HEPH: variants seen among roughly 807,000 people sequenced by gnomAD.
The protein encoded by HEPH is hephaestin.
HEPH carries 69 observed loss-of-function variants against 80.8 expected under a neutral mutation model. The ratio of observed to expected loss-of-function variants is 0.85; its 90% CI spans 0.70 to 1.04. The LOEUF is 1.04. Among genes scored for constraint, HEPH ranks in the 50% least tolerant of loss-of-function variants. HEPH has a pLI of 0.00. For missense variants in HEPH, 1,115 were observed against 891.3 expected (o/e 1.25, Z -3.20); for synonymous variants, 431 against 322.8 (o/e 1.34, Z -3.60).
intron 1 of HEPH, among the ~76,000 whole-genome samples, chrX:66,169,219 A>G (rs899637150): frequency 8.9e-6 from 1 of 111,950 alleles, no homozygotes; most frequent in Non-Finnish European, 1.9e-5. Context: ...AAATGATTTA[A>G]TCTGTGTAAA....
intron 4 of HEPH, among the ~76,000 whole-genome samples, chrX:66,183,584 TTCTC>T (rs1409601944): frequency 1.0e-3 from 43 of 41,217 alleles, no homozygotes; most frequent in Admixed American, 2.1e-3. Flanking sequence ...TATTTGATTC[TTCTC>T]TCTTTTTTTC....
chrX:66,236,346 G>A (rs2148049151), intron 15 of HEPH, among the ~76,000 whole-genome samples: 1 of 111,673 alleles, frequency 9.0e-6, no homozygotes, highest in East Asian at 2.8e-4. Flanking sequence ...TTCACTGAAA[G>A]CCTTTCCTGC....
chrX:66,198,820 C>G (rs1469539257), intron 10 of HEPH, 58 bp from the exon 11 acceptor site: 1 of 942,721 alleles, frequency 1.1e-6, no homozygotes, highest in East Asian at 3.1e-5. Flanking sequence ...ACGACACAGT[C>G]TACAACTGCT....
At chrX:66,219,093 A>T (rs981497120) in intron 15 of HEPH, among the ~76,000 whole-genome samples, 3 of 112,167 alleles carry the variant, frequency 2.7e-5, no homozygotes, top group African/African-American at 6.5e-5. Context: ...TGCAAGACAG[A>T]TCGATAGTGA....
chrX:66,248,025 C>T (rs1373903308), intron 15 of HEPH, among the ~76,000 whole-genome samples: 2 of 111,265 alleles, frequency 1.8e-5, no homozygotes, highest in Non-Finnish European at 3.8e-5. Context: ...CATCTTTTCT[C>T]TCATTAAATA....
chrX:66,192,158 G>A lies in HEPH; in HGVS notation c.1092G>A (p.Lys364=). The part of the protein sequence containing the change: ...RDGMQALYKV[K]SCSMAPPVDL... ...GCATGCAGGCACTCTACAAGGTCAAGTCTTGCTCCATGGCCCCTCCTGTGG... is the reference window on the plus strand; with the variant it reads ...GCATGCAGGCACTCTACAAGGTCAAATCTTGCTCCATGGCCCCTCCTGTGG... The change falls in exon 7 of 21, where the codon AAG becomes AAA. Residue 364 remains lysine, a synonymous_variant. Coordinates refer to ENST00000343002, the MANE Select transcript of HEPH (RefSeq NM_001367233.3). 1 of 1,210,266 alleles carries A rather than the reference G, an allele frequency of 8.3e-7. No individual in the cohort carries two copies. The highest frequency in any genetic ancestry group is 1.1e-6 in the Non-Finnish European group (1 of 895,085).
At chrX:66,196,050 A>G (rs1168581943) in intron 9 of HEPH, among the ~76,000 whole-genome samples, 2 of 111,786 alleles carry the variant, frequency 1.8e-5, no homozygotes, top group Non-Finnish European at 3.8e-5. Context: ...TAGAGACATA[A>G]CAAATGAAAT....
chrX:66,198,797 C>T, intron 10 of HEPH, 81 bp from the exon 11 acceptor site: 2 of 732,669 alleles, frequency 2.7e-6, no homozygotes, highest in East Asian at 6.5e-5. Context: ...AATCTGGCAT[C>T]CCTTGATCTG....
At chrX:66,167,777 T>C (rs771864238) in intron 1 of HEPH, among the ~76,000 whole-genome samples, 1 of 112,293 alleles carries the variant, frequency 8.9e-6, no homozygotes, top group Non-Finnish European at 1.9e-5. Context: ...ATCACACTTC[T>C]GTGACTCCCT....
rs780104193 is a variant in HEPH at position 66,228,087 on chromosome X, T to A, written c.2563+19841T>A. ...GAAAGAGGTTTAATGGACTCACAGT[T>A]CCATGCAGCTGGGGAGACCTCACAA... On this transcript the variant is annotated intron_variant, in intron 15 of 20. Coordinates refer to ENST00000343002, the MANE Select transcript of HEPH (RefSeq NM_001367233.3). Among the ~76,000 whole-genome samples the A allele has an allele frequency of 2.7e-5, 3 of 111,837 alleles. No homozygotes were observed. The East Asian group carries it at 8.4e-4, about 31-fold the overall frequency.
intron 16 of HEPH, 121 bp from the exon 17 acceptor site, chrX:66,255,984 T>C (rs746577002): frequency 2.1e-6 from 1 of 465,845 alleles, no homozygotes; most frequent in East Asian, 3.7e-5. Context: ...AAATGTAAGA[T>C]ATCATGAGGA....
At chrX:66,251,552 T>C (rs1315557904) in intron 15 of HEPH, among the ~76,000 whole-genome samples, 1 of 112,381 alleles carries the variant, frequency 8.9e-6, no homozygotes, top group Non-Finnish European at 1.9e-5. Context: ...TGGGCTGTTT[T>C]TATTTTGTTA....
intron 15 of HEPH, among the ~76,000 whole-genome samples, chrX:66,217,568 C>T (rs2089450456): frequency 9.0e-6 from 1 of 111,159 alleles, no homozygotes; most frequent in Admixed American, 9.5e-5. Context: ...CAAACTACAC[C>T]AAAATAGAAC....
chrX:66,199,302 G>T (rs1311268415), intron 11 of HEPH, among the ~76,000 whole-genome samples: 1 of 110,329 alleles, frequency 9.1e-6, no homozygotes, highest in African/African-American at 3.3e-5. Context: ...TGAAGAATAA[G>T]CCAGATGATA....
At chrX:66,214,076 T>C (rs1488097640) in intron 15 of HEPH, among the ~76,000 whole-genome samples, 1 of 112,148 alleles carries the variant, frequency 8.9e-6, no homozygotes, top group Non-Finnish European at 1.9e-5. Context: ...GTAAACTGGA[T>C]ATGTGAATTA....
intron 15 of HEPH, among the ~76,000 whole-genome samples, chrX:66,222,997 G>A (rs1005313358): frequency 4.5e-5 from 5 of 110,992 alleles, no homozygotes; most frequent in Non-Finnish European, 9.4e-5. Flanking sequence ...GAGTCTGGAG[G>A]GGGTGGCGCT....
chrX:66,200,241 G>GGTGTGTGTGTGT lies in HEPH; in HGVS notation c.1865-278_1865-267dup, dbSNP rs57136656. ...CAAGAAATAGGGAATAGGAGAGATT[G>GGTGTGTGTGTGT]GTGTGTGTGTGTGTGTGTGTGTGTG... On this transcript the variant is annotated intron_variant, in intron 11 of 20. Transcript: ENST00000343002. Among the ~76,000 whole-genome samples the GGTGTGTGTGTGT allele has an allele frequency of 9.7e-3, 888 of 91,199 alleles. 17 individuals carry two copies. The highest frequency in any genetic ancestry group is 0.036 in the African/African-American group (764 of 21,150). 79.2% of individuals were successfully genotyped at this position (91,199 alleles called of 115,157 possible).
chrX:66,260,116 G>T lies in HEPH; in HGVS notation c.3053G>T (p.Arg1018Leu). 1 of 1,207,867 alleles carries T rather than the reference G, an allele frequency of 8.3e-7. No homozygotes were observed. The highest frequency in any genetic ancestry group is 1.1e-6 in the Non-Finnish European group (1 of 893,035). ...SFLYRNGENYRADVVDLFPGT... is the reference protein window; with the variant it reads ...SFLYRNGENYLADVVDLFPGT... The stretch of plus-strand genomic sequence containing the variant: ...CTCTTGCAGAATGGCGAGAACTACC[G>T]GGCAGATGTGGTGGATCTGTTCCCA... Residue 1018 changes from arginine to leucine, a missense_variant, in exon 19 of 21, where the codon CGG becomes CTG. Arg to Leu is a moderately radical substitution (Grantham distance 102, BLOSUM62 -2). Around this residue, in one of 3 missense-constraint regions of HEPH, gnomAD observed 716 missense variants for 523.5 expected, o/e 1.37. Coordinates refer to ENST00000343002, the MANE Select transcript of HEPH (RefSeq NM_001367233.3).
intron 13 of HEPH, among the ~76,000 whole-genome samples, chrX:66,206,745 G>T (rs1469949257): frequency 9.1e-6 from 1 of 110,333 alleles, no homozygotes; most frequent in Non-Finnish European, 1.9e-5. Flanking sequence ...GCCAGGTGTG[G>T]TGGCTCATGC....
Sources: allele counts gnomAD v4.1 joint callset (sites outside exome capture counted in the v4.1 genomes callset), GRCh38; gene constraint gnomAD v4.1.1; regional missense constraint gnomAD v4.1.1; transcripts MANE v1.5; gene names NCBI Gene and HGNC (gene_info 2026-07-23, HGNC 2026-07-21).